INSL6: variants seen among roughly 807,000 people sequenced by gnomAD.
INSL6 encodes insulin-like peptide INSL6.
A neutral mutation model predicts 9.4 loss-of-function variants in INSL6; 16 were observed. The observed-to-expected ratio is 1.70, with a 90% CI of 1.15 to 2.59. The LOEUF is 2.59. Among genes scored for constraint, INSL6 ranks in the 30% most tolerant of loss-of-function variants. The pLI is 0.00. For synonymous variants in INSL6, 154 were observed against 96.9 expected (o/e 1.59, Z -3.46); for missense variants, 391 against 257.3 (o/e 1.52, Z -3.56).
At chr9:5,114,563 C>G in the INSL6 span, 1 of 489,152 alleles carries the variant, frequency 2.0e-6, no homozygotes, top group Non-Finnish European at 4.0e-6. Context: ...CCTGCCTGAT[C>G]CAGAACTTCT....
chr9:5,127,129 A>G (rs370427680), intron 3 of INSL6: 1 of 268,522 alleles, frequency 3.7e-6, no homozygotes, highest in African/African-American at 2.2e-5. Context: ...TAAATTTTGC[A>G]ATGTTAAAGA....
chr9:5,115,156 A>G, the INSL6 span, among the ~76,000 whole-genome samples: 5 of 152,218 alleles, frequency 3.3e-5, no homozygotes, highest in Non-Finnish European at 7.3e-5. Flanking sequence ...ATTTTTTGCA[A>G]TCTAGCCACC....
chr9:5,024,683 C>T, the INSL6 span, among the ~76,000 whole-genome samples: 6 of 152,128 alleles, frequency 3.9e-5, no homozygotes, highest in Non-Finnish European at 5.9e-5. Context: ...AACTTTAGAC[C>T]TCTGCCCCAG....
chr9:5,004,552 G>T, the INSL6 span, among the ~76,000 whole-genome samples: 81 of 152,188 alleles, frequency 5.3e-4, no homozygotes, highest in African/African-American at 1.8e-3. Context: ...GGACACTTAG[G>T]TTGATTCTTT....
intron 1 of INSL6, among the ~76,000 whole-genome samples, chr9:5,171,083 C>G (rs1564053008): frequency 6.6e-6 from 1 of 152,094 alleles, no homozygotes; most frequent in Non-Finnish European, 1.5e-5. Flanking sequence ...TGTAAAAATC[C>G]TCAATAAAAT....
chr9:5,025,858 T>A, the INSL6 span, among the ~76,000 whole-genome samples: 2 of 152,232 alleles, frequency 1.3e-5, no homozygotes, highest in African/African-American at 4.8e-5. Context: ...TGTTGAAGTT[T>A]TAAATTAATG....
chr9:5,126,513 T>C, intron 3 of INSL6: 2 of 1,134,948 alleles, frequency 1.8e-6, no homozygotes, highest in East Asian at 2.4e-5. Context: ...AGGACTTCAG[T>C]TCACTTCCTG....
chr9:5,127,013 G>C (rs968106029), intron 3 of INSL6: 6 of 310,016 alleles, frequency 1.9e-5, no homozygotes, highest in African/African-American at 4.3e-5. Flanking sequence ...CAAGGATTTT[G>C]TAAGAAGTTT....
the INSL6 span, chr9:5,091,034 C>A: frequency 1.3e-6 from 1 of 744,560 alleles, no homozygotes; most frequent in Non-Finnish European, 2.1e-6. Context: ...TCTTTTAAGT[C>A]TTACATTTAA....
chr9:5,051,474 G>C, the INSL6 span, among the ~76,000 whole-genome samples: 2 of 152,118 alleles, frequency 1.3e-5, no homozygotes, highest in Non-Finnish European at 2.9e-5. Flanking sequence ...CCTAATCCAA[G>C]AGATTTGGAT....
chr9:5,010,667 ATAAT>A, the INSL6 span, among the ~76,000 whole-genome samples: 5 of 152,206 alleles, frequency 3.3e-5, no homozygotes, highest in Non-Finnish European at 5.9e-5. Flanking sequence ...GAATAATATT[ATAAT>A]TAATCACATA....
At chr9:5,021,984 C>T in the INSL6 span, 1 of 1,606,632 alleles carries the variant, frequency 6.2e-7, no homozygotes, top group Admixed American at 1.7e-5. Flanking sequence ...GAAAAAGACT[C>T]TGCATGGGAA....
At chr9:5,077,493 T>C in the INSL6 span, 3 of 1,393,852 alleles carry the variant, frequency 2.2e-6, no homozygotes, top group Admixed American at 6.9e-5. Context: ...GATCACTAGA[T>C]ACATATCTGA....
intron 2 of INSL6, among the ~76,000 whole-genome samples, chr9:5,157,721 G>A (rs536481111): frequency 1.5e-4 from 23 of 152,204 alleles, no homozygotes; most frequent in Admixed American, 1.0e-3. Context: ...TTCCCAAGAC[G>A]GACTGGTACA....
At chr9:5,013,116 A>G in the INSL6 span, among the ~76,000 whole-genome samples, 1 of 152,214 alleles carries the variant, frequency 6.6e-6, no homozygotes. Flanking sequence ...TCAAAGTATG[A>G]AAGCTTGTTA....
intron 1 of INSL6, among the ~76,000 whole-genome samples, chr9:5,182,403 T>C (rs1825477194): frequency 1.3e-5 from 2 of 151,502 alleles, no homozygotes; most frequent in South Asian, 4.2e-4. Flanking sequence ...AGGAGGAGAA[T>C]GGGAGTGGAG....
chr9:5,050,404 G>A, the INSL6 span, among the ~76,000 whole-genome samples: 1 of 152,080 alleles, frequency 6.6e-6, no homozygotes, highest in African/African-American at 2.4e-5. Context: ...CCAAGTAGCT[G>A]GGACTGCAGG....
In INSL6 at chr9:5,164,043, C is replaced by A. The variant is rs1322949204; in HGVS notation, c.512G>T (p.Arg171Leu). The A allele has an allele frequency of 3.1e-6, 5 of 1,613,562 alleles. No homozygotes were observed. Among genetic ancestry groups the A allele is most frequent in the South Asian group, 1.1e-5 (1 of 91,028 alleles). The change falls in exon 2 of 2, where the codon CGC becomes CTC. Residue 171 changes from arginine (R) to leucine (L), a missense_variant. By Grantham distance (102) the Arg-to-Leu change is moderately radical (BLOSUM62 -2). Transcript: ENST00000381641. Reference protein sequence around the residue: ...LFWGHHPQRKRRGYSEKCCLT... With the variant: ...LFWGHHPQRKLRGYSEKCCLT... ...ACAACACTTTTCTGAATATCCTCTGCGTTTTCTTTGGGGATGATGCCCCCA... is the reference window on the plus strand; with the variant it reads ...ACAACACTTTTCTGAATATCCTCTGAGTTTTCTTTGGGGATGATGCCCCCA...
the INSL6 span, chr9:5,090,583 C>G: frequency 6.4e-7 from 1 of 1,556,338 alleles, no homozygotes; most frequent in Non-Finnish European, 8.7e-7. Flanking sequence ...AACTAATATC[C>G]TGATTATTTG....
Sources: gnomAD v4.1 joint callset for allele counts (sites outside exome capture counted in the v4.1 genomes callset) on GRCh38, gnomAD v4.1.1 for gene constraint, MANE v1.5 for transcripts, NCBI Gene and HGNC (gene_info 2026-07-23, HGNC 2026-07-21) for gene names.